The following CMIP variants were observed in gnomAD, a reference collection of about 807,000 sequenced individuals.
CMIP encodes the protein C-Maf-inducing protein.
In CMIP, 13 loss-of-function variants were observed where a neutral mutation model predicts 97.3. The observed-to-expected ratio is 0.13, with a 90% CI of 0.09 to 0.21. The LOEUF (loss-of-function observed/expected upper bound fraction) is 0.21, where lower values mean the gene tolerates loss of function less well. CMIP is among the 10% of genes least tolerant of loss of function. The probability of loss-of-function intolerance (pLI) is 1.00; values close to 1 mark genes in which losing one functional copy is unlikely to be tolerated. For missense variants in CMIP, 847 were observed against 1,024.9 expected, an observed-to-expected ratio of 0.83 and a Z score of 2.37; for synonymous variants, 538 against 436.3, an observed-to-expected ratio of 1.23 and a Z score of -2.91.
rs372884363 is a variant in CMIP at position 81,696,637 on chromosome 16, C to T, written c.1608C>T (p.Cys536=). The T allele has an allele frequency of 4.8e-5, 77 of 1,606,954 alleles. No individual in the cohort carries two copies. The highest frequency in any genetic ancestry group is 1.3e-4 in the Admixed American group (8 of 60,006). Residue 536 remains cysteine, a synonymous_variant, in exon 14 of 21, where the codon TGC becomes TGT. Coordinates refer to ENST00000537098, the MANE Select transcript of CMIP (RefSeq NM_198390.3). ...TCTACAGCCCCGGAGGGGTGGCCTG[C>T]GACGATGACGGGGAGCTGTTCGCCA... ...FQLYSPGGVA[C]DDDGELFASM...
In CMIP at chr16:81,601,930, C is replaced by T. The variant is rs150248124; in HGVS notation, c.301-5637C>T. Among the ~76,000 whole-genome samples, 1,418 of 152,320 alleles carry T rather than the reference C, an allele frequency of 9.3e-3. 10 individuals are homozygous for T. Among genetic ancestry groups the T allele is most frequent in the Non-Finnish European group, 0.013 (899 of 68,020 alleles). On this transcript the variant is annotated intron_variant, in intron 1 of 20. Coordinates refer to ENST00000537098, the MANE Select transcript of CMIP (RefSeq NM_198390.3). ...CCCCTTAGCCTTGGCCAGGGCTCTC[C>T]GGTTCCCTTTAATATCCATTTAATG...
intron 1 of CMIP, among the ~76,000 whole-genome samples, chr16:81,490,125 G>A (rs2089382609): frequency 6.6e-6 from 1 of 152,166 alleles, no homozygotes; most frequent in Non-Finnish European, 1.5e-5. Flanking sequence ...TCCCTCAGGG[G>A]CTGTAAGAGG....
At chr16:81,584,015 G>T (rs1286542653) in intron 1 of CMIP, among the ~76,000 whole-genome samples, 11 of 152,212 alleles carry the variant, frequency 7.2e-5, no homozygotes, top group Non-Finnish European at 1.6e-4. Context: ...AAGGGAAGGT[G>T]TGGAGGAATT....
intron 1 of CMIP, among the ~76,000 whole-genome samples, chr16:81,484,427 C>T (rs768843702): frequency 4.6e-5 from 7 of 152,166 alleles, no homozygotes; most frequent in Non-Finnish European, 8.8e-5. Flanking sequence ...GAAGGGTAGA[C>T]GGGTTGGGCG....
intron 1 of CMIP, among the ~76,000 whole-genome samples, chr16:81,585,062 C>T (rs1292053914): frequency 6.6e-6 from 1 of 152,210 alleles, no homozygotes; most frequent in African/African-American, 2.4e-5. Context: ...TACAGTTCGG[C>T]CAGGCATGGT....
chr16:81,639,449 C>T (rs1007490053), intron 3 of CMIP, among the ~76,000 whole-genome samples: 1 of 152,190 alleles, frequency 6.6e-6, no homozygotes, highest in Non-Finnish European at 1.5e-5. Context: ...ATTCTGCTTT[C>T]GGTCTCTAAG....
At chr16:81,694,946 G>C (rs915385440) in intron 13 of CMIP, among the ~76,000 whole-genome samples, 9 of 152,246 alleles carry the variant, frequency 5.9e-5, no homozygotes, top group African/African-American at 2.2e-4. Context: ...TTAAACTTAA[G>C]TCTTTCCTTG....
chr16:81,610,461 C>A (rs1345468702), intron 2 of CMIP: 1 of 986,204 alleles, frequency 1.0e-6, no homozygotes, highest in East Asian at 1.1e-4. Context: ...CTTGCAACTC[C>A]TCAGATCCAG....
intron 3 of CMIP, among the ~76,000 whole-genome samples, chr16:81,649,284 C>G (rs1368800177): frequency 3.3e-5 from 5 of 152,272 alleles, no homozygotes; most frequent in Non-Finnish European, 7.3e-5. Context: ...TTGGGCCCTC[C>G]CGGGAAAGCT....
intron 2 of CMIP, 87 bp from the exon 3 acceptor site, chr16:81,620,789 C>A: frequency 2.0e-6 from 3 of 1,504,936 alleles, no homozygotes; most frequent in Non-Finnish European, 2.8e-6. Flanking sequence ...ACAGAGCAGG[C>A]TTGGGGGCTC....
chr16:81,610,582 T>C, intron 2 of CMIP: 1 of 973,220 alleles, frequency 1.0e-6, no homozygotes, highest in Non-Finnish European at 1.2e-6. Context: ...GTTCTCTCCC[T>C]GGCTGCCATT....
At chr16:81,661,014 T>C in intron 6 of CMIP, 68 bp downstream of exon 6, 1 of 1,599,930 alleles carries the variant, frequency 6.3e-7, no homozygotes, top group Non-Finnish European at 8.6e-7. Context: ...TACCAGGGAT[T>C]GGGTTTGCAC....
chr16:81,559,175 T>A (rs2090828001), intron 1 of CMIP, among the ~76,000 whole-genome samples: 1 of 152,150 alleles, frequency 6.6e-6, no homozygotes, highest in Non-Finnish European at 1.5e-5. Context: ...TTGTTTTTAT[T>A]TAAAAGGGAA....
intron 1 of CMIP, among the ~76,000 whole-genome samples, chr16:81,471,760 A>G (rs547445883): frequency 6.6e-6 from 1 of 152,324 alleles, no homozygotes; most frequent in Non-Finnish European, 1.5e-5. Context: ...ACTTGAACAC[A>G]AGCACCATGA....
rs563091030 is a variant in CMIP at position 81,617,935 on chromosome 16, A to C, written c.427-2941A>C. On this transcript the variant is annotated intron_variant, in intron 2 of 20. Coordinates refer to ENST00000537098, the MANE Select transcript of CMIP (RefSeq NM_198390.3). ...CGGGGCCAGTGGACACAGAAGAGGG[A>C]GGGATGTGGTTGTCCTCCTCCACCT... Among the ~76,000 whole-genome samples, 3 of 152,252 alleles carry C rather than the reference A, an allele frequency of 2.0e-5. No individual in the cohort carries two copies. The East Asian group carries it at 5.8e-4, about 29-fold the overall frequency.
intron 1 of CMIP, among the ~76,000 whole-genome samples, chr16:81,521,179 G>C (rs904717283): frequency 6.6e-6 from 1 of 152,234 alleles, no homozygotes; most frequent in African/African-American, 2.4e-5. Flanking sequence ...CCCGGTCGCC[G>C]TGACTGTGGA....
In CMIP at chr16:81,652,421, C is replaced by T. The variant is rs901541658; in HGVS notation, c.639+57C>T. ...GTTTGCCTTTCCCTCCACCGATCAC[C>T]GGCTCCATGCCAAGCAGCAGGCGCA... On this transcript the variant is annotated intron_variant, in intron 4 of 20. Transcript: ENST00000537098. The surrounding 1 kb of genome is among the most constrained non-coding windows in gnomAD (Gnocchi z 5.2). The T allele has an allele frequency of 3.7e-5, 54 of 1,447,950 alleles. No individual in the cohort carries two copies. The highest frequency in any genetic ancestry group is 4.9e-5 in the Non-Finnish European group (51 of 1,049,164). The allele number at this position is 1,447,950 out of a possible 1,614,324, so 89.7% of individuals were successfully genotyped here. A position where few individuals can be genotyped will look rare whatever the true frequency, so the allele number is the denominator to read the frequency against.
chr16:81,483,311 G>A (rs1336540908), intron 1 of CMIP, among the ~76,000 whole-genome samples: 1 of 132,562 alleles, frequency 7.5e-6, no homozygotes, highest in Non-Finnish European at 1.6e-5. Flanking sequence ...AGGCCCTGGG[G>A]CAGCAATTTA....
intron 3 of CMIP, among the ~76,000 whole-genome samples, chr16:81,651,670 G>T (rs766179002): frequency 6.6e-6 from 1 of 152,184 alleles, no homozygotes; most frequent in Non-Finnish European, 1.5e-5. Context: ...CTCTTACTGC[G>T]CTTGAATCCT....
Sources: gnomAD v4.1 joint callset for allele counts (sites outside exome capture counted in the v4.1 genomes callset) on GRCh38, gnomAD v4.1.1 for gene constraint, Gnocchi (gnomAD v3.1) non-coding constraint, MANE v1.5 for transcripts, NCBI Gene and HGNC (gene_info 2026-07-23, HGNC 2026-07-21) for gene names.